MYH7B: variants seen among roughly 807,000 people sequenced by gnomAD.
MYH7B encodes the protein myosin heavy chain 7B, also known as myosin-7B.
MYH7B carries 205 observed loss-of-function variants against 234.5 expected under a neutral mutation model. That is an observed-to-expected ratio of 0.87 (90% CI 0.78 to 0.98). The LOEUF is 0.98. MYH7B is among the 50% of genes least tolerant of loss of function. The probability of loss-of-function intolerance (pLI) is 0.00; values close to 1 mark genes in which losing one functional copy is unlikely to be tolerated. For missense variants in MYH7B, 2,652 were observed against 2,633.4 expected (o/e 1.01, Z -0.15); for synonymous variants, 1,193 against 1,105.0 (o/e 1.08, Z -1.58).
chr20:34,989,196 G>C (rs564565169), intron 19 of MYH7B, among the ~76,000 whole-genome samples: 1 of 152,368 alleles, frequency 6.6e-6, no homozygotes, highest in South Asian at 2.1e-4. Flanking sequence ...CATGGCAAGA[G>C]TAGTTCATGC....
rs576814725 is a variant in MYH7B at position 34,987,238 on chromosome 20, G to C, written c.1098G>C (p.Lys366Asn). 5.6e-6 allele frequency: 9 copies of C among 1,612,132 alleles called. No homozygotes were observed. The African/African-American group carries it at 1.1e-4, about 19-fold the overall frequency. Residue 366 changes from lysine (K) to asparagine (N), a missense_variant, in exon 16 of 45, where the codon AAG (lysine) becomes AAC (asparagine). Coordinates refer to ENST00000262873, the Ensembl canonical transcript of MYH7B. ...CCCTCCTGCACTTTGGCAACATGAA[G>C]TTCAAGCAGAAGCAGCGGGAGGAGC...
chr20:34,984,262 G>C (rs2081982798), intron 10 of MYH7B, among the ~76,000 whole-genome samples: 1 of 152,370 alleles, frequency 6.6e-6, no homozygotes, highest in African/African-American at 2.4e-5. Flanking sequence ...TGGGAGGTTA[G>C]GGCAGGAAGG....
exon 26 of MYH7B, chr20:34,993,350 G>T: frequency 6.2e-7 from 1 of 1,614,080 alleles, no homozygotes; most frequent in South Asian, 1.1e-5. Context: ...TTCAAGGCTG[G>T]GCTTCTAGGC....
intron 13 of MYH7B, 37 bp from the exon 14 acceptor site, chr20:34,986,063 G>T (rs1471713194): frequency 1.3e-6 from 2 of 1,518,742 alleles, no homozygotes; most frequent in Non-Finnish European, 1.8e-6. Flanking sequence ...CTCTGGGGAG[G>T]TGTGGGAGAT....
At chr20:34,995,657 C>T (rs1002981878) in intron 28 of MYH7B, 79 bp downstream of exon 28, 30 of 1,575,596 alleles carry the variant, frequency 1.9e-5, no homozygotes, top group African/African-American at 2.7e-5. Flanking sequence ...GGTCCCACCC[C>T]GGCTCTGCTA....
intron 2 of MYH7B, among the ~76,000 whole-genome samples, chr20:34,958,752 C>G (rs1247074261): frequency 6.6e-6 from 1 of 152,238 alleles, no homozygotes; most frequent in African/African-American, 2.4e-5. Flanking sequence ...GCGTGAGCCA[C>G]CGTGCCCGGC....
In MYH7B at chr20:34,997,237, C is replaced by T. The variant is rs374519727; in HGVS notation, c.3358-14C>T. 3.2e-4 allele frequency: 495 copies of T among 1,556,730 alleles called. No homozygotes were observed. The highest frequency in any genetic ancestry group is 4.1e-4 in the Non-Finnish European group (473 of 1,151,376). On this transcript the variant is annotated splice_polypyrimidine_tract_variant and intron_variant, in intron 31 of 44. Transcript: ENST00000262873. Reference sequence around the variant, plus strand: ...GCCCACAGAGGTGACAGCTGCCCCACGTGCCCACCCCAGGCTCGGGCGGAG... The same window carrying T: ...GCCCACAGAGGTGACAGCTGCCCCATGTGCCCACCCCAGGCTCGGGCGGAG...
chr20:34,976,348 G>T (rs550077612), intron 3 of MYH7B, among the ~76,000 whole-genome samples: 2 of 152,208 alleles, frequency 1.3e-5, no homozygotes, highest in African/African-American at 4.8e-5. Context: ...AGGACTTCCC[G>T]TGTGAGCCTG....
intron 10 of MYH7B, among the ~76,000 whole-genome samples, chr20:34,982,761 G>A (rs1022712284): frequency 2.6e-5 from 4 of 152,066 alleles, no homozygotes; most frequent in South Asian, 2.1e-4. Context: ...GCCTGCCTTC[G>A]CCTTCCCATT....
chr20:34,991,021 T>A (rs2082136465), exon 24 of MYH7B: 3 of 1,613,064 alleles, frequency 1.9e-6, no homozygotes, highest in Non-Finnish European at 2.5e-6. Flanking sequence ...GGATGCCTTC[T>A]TGGTGCTACA....
intron 32 of MYH7B, 89 bp downstream of exon 32, chr20:34,997,729 C>T: frequency 1.3e-6 from 2 of 1,489,838 alleles, no homozygotes; most frequent in South Asian, 2.5e-5. Context: ...CCAGCCTCCA[C>T]CCAGTACCTT....
chr20:34,992,754 G>A (rs1015906912), intron 24 of MYH7B, among the ~76,000 whole-genome samples: 3 of 152,068 alleles, frequency 2.0e-5, no homozygotes, highest in African/African-American at 7.2e-5. Flanking sequence ...GTTTTTAGTA[G>A]AGATAGGGTT....
At chr20:34,993,020 C>A (rs960008328) in intron 24 of MYH7B, 82 bp from the exon 25 acceptor site, 11 of 1,533,008 alleles carry the variant, frequency 7.2e-6, no homozygotes, top group Middle Eastern at 1.7e-4. Context: ...CACGAGCCTC[C>A]TCAGTCCCTG....
chr20:34,994,218 C>G (rs753796344), exon 27 of MYH7B: 3 of 1,613,240 alleles, frequency 1.9e-6, no homozygotes, highest in East Asian at 2.2e-5. Context: ...GGATGAAGCT[C>G]TTTTTCAAGA....
intron 38 of MYH7B, 138 bp downstream of exon 38, chr20:35,000,044 G>A: frequency 1.0e-6 from 1 of 956,000 alleles, no homozygotes; most frequent in South Asian, 1.5e-5. Flanking sequence ...GTGAACCTCG[G>A]AGATGCTAAA....
chr20:34,980,712 C>T lies in MYH7B; in HGVS notation c.477C>T (p.Asn159=), dbSNP rs545637890. 7.9e-5 allele frequency: 128 copies of T among 1,614,134 alleles called. 1 individual carries two copies. The South Asian group carries it at 1.2e-3, about 15-fold the overall frequency. ...CCCATATATATGCGGTGGCGGACAA[C>T]GCCTACAACGACATGCTGCGCAGTA... The change falls in exon 8 of 45, where the codon AAC becomes AAT. Residue 159 remains asparagine, a synonymous_variant. Transcript: ENST00000262873.
chr20:35,000,129 C>T (rs982134578), intron 38 of MYH7B, among the ~76,000 whole-genome samples, 164 bp from the exon 39 acceptor site: 1 of 152,180 alleles, frequency 6.6e-6, no homozygotes, highest in Non-Finnish European at 1.5e-5. Context: ...CACTCTTGTC[C>T]ATGAACTTGC....
At chr20:34,971,389 C>T (rs559686681) in intron 2 of MYH7B, among the ~76,000 whole-genome samples, 1 of 152,136 alleles carries the variant, frequency 6.6e-6, no homozygotes, top group African/African-American at 2.4e-5. Context: ...CAGCTGGTTC[C>T]CCACCCCCTC....
intron 27 of MYH7B, among the ~76,000 whole-genome samples, chr20:34,994,835 G>C (rs2082222764): frequency 6.6e-6 from 1 of 152,264 alleles, no homozygotes; most frequent in African/African-American, 2.4e-5. Context: ...TCAATTGTGT[G>C]CCAGGCTCAG....
Sources: allele counts gnomAD v4.1 joint callset (sites outside exome capture counted in the v4.1 genomes callset), GRCh38; gene constraint gnomAD v4.1.1; transcripts MANE v1.5; gene names NCBI Gene and HGNC (gene_info 2026-07-23, HGNC 2026-07-21).